Variants in CA10 observed in about 807,000 individuals in gnomAD.
CA10 encodes carbonic anhydrase-related protein 10.
Under a neutral mutation model 44.2 loss-of-function variants are expected in CA10, and 14 were observed. That is an observed-to-expected ratio of 0.32 (90% CI 0.21 to 0.50). The LOEUF (loss-of-function observed/expected upper bound fraction) is 0.50, where lower values mean the gene tolerates loss of function less well. Ranked by LOEUF, CA10 falls within the 20% of genes least tolerant of loss-of-function variation. The pLI is 0.99. For synonymous variants in CA10, 159 were observed against 141.6 expected, an observed-to-expected ratio of 1.12 and a Z score of -0.87; for missense variants, 350 against 409.7, an observed-to-expected ratio of 0.85 and a Z score of 1.26.
chr17:52,038,287 G>T (rs144883327), intron 2 of CA10, among the ~76,000 whole-genome samples: 1 of 152,238 alleles, frequency 6.6e-6, no homozygotes, highest in Admixed American at 6.5e-5. Context: ...TATCTACTAG[G>T]CACACTTGTC....
chr17:51,804,660 T>C lies in CA10; in HGVS notation c.280-56842A>G, dbSNP rs564668839. ...TGAATAGAGCACCAAAGAGAACAAA[T>C]GAATGTGCTTTTCCAGGAGAAATAA... is the stretch of plus-strand genomic sequence containing the variant. On this transcript the variant is annotated intron_variant, in intron 3 of 8. Transcript: ENST00000451037. 1.6e-4 allele frequency among the ~76,000 whole-genome samples: 25 copies of C among 152,334 alleles called. No individual in the cohort carries two copies. The South Asian group carries it at 3.1e-3, about 19-fold the overall frequency.
chr17:51,887,473 T>C (rs2143901224), intron 3 of CA10, among the ~76,000 whole-genome samples: 1 of 152,274 alleles, frequency 6.6e-6, no homozygotes, highest in African/African-American at 2.4e-5. Context: ...AAATGTAGGC[T>C]TCAGATACAG....
chr17:52,114,950 T>C (rs1988861031), intron 1 of CA10, among the ~76,000 whole-genome samples: 1 of 152,194 alleles, frequency 6.6e-6, no homozygotes, highest in South Asian at 2.1e-4. Context: ...GCTCTGCCAC[T>C]GATATATGCA....
intron 2 of CA10, among the ~76,000 whole-genome samples, chr17:51,954,674 C>G (rs1376100911): frequency 6.6e-6 from 1 of 152,180 alleles, no homozygotes; most frequent in Non-Finnish European, 1.5e-5. Context: ...AAGTCCTGAT[C>G]AGATTGCTTT....
chr17:52,115,410 T>C (rs1379642586), intron 1 of CA10, among the ~76,000 whole-genome samples: 3 of 152,098 alleles, frequency 2.0e-5, no homozygotes, highest in African/African-American at 7.2e-5. Context: ...AATGTTTCTT[T>C]CCCTTTTGTT....
At chr17:52,089,450 T>G (rs1468631329) in intron 1 of CA10, among the ~76,000 whole-genome samples, 2 of 152,182 alleles carry the variant, frequency 1.3e-5, no homozygotes, top group Admixed American at 6.6e-5. Flanking sequence ...AAGGCACTGT[T>G]CTAAGCATTT....
chr17:52,150,008 T>C (rs563903103), intron 1 of CA10, among the ~76,000 whole-genome samples: 1 of 152,360 alleles, frequency 6.6e-6, no homozygotes, highest in Admixed American at 6.5e-5. Context: ...ATTGAAATTA[T>C]ATACCTTAAA....
intron 3 of CA10, among the ~76,000 whole-genome samples, chr17:51,813,113 A>T (rs111994987): frequency 5.1e-4 from 78 of 152,252 alleles, no homozygotes; most frequent in Non-Finnish European, 4.0e-4. Context: ...AAAGAGGGTC[A>T]TAGATAACAG....
chr17:51,738,191 A>G (rs1024321761), intron 4 of CA10, among the ~76,000 whole-genome samples: 37 of 152,330 alleles, frequency 2.4e-4, no homozygotes, highest in African/African-American at 7.5e-4. Context: ...CTGGCGAGCA[A>G]TTAAGTTGGC....
intron 3 of CA10, among the ~76,000 whole-genome samples, chr17:51,851,104 T>A (rs1978774653): frequency 6.6e-6 from 1 of 152,314 alleles, no homozygotes; most frequent in East Asian, 1.9e-4. Flanking sequence ...CCAAGATGCA[T>A]GGGGGTGGCA....
At chr17:51,670,486 C>T (rs890841564) in intron 4 of CA10, among the ~76,000 whole-genome samples, 1 of 151,618 alleles carries the variant, frequency 6.6e-6, no homozygotes, top group Non-Finnish European at 1.5e-5. Flanking sequence ...GGTCCGCATT[C>T]CTTTTTTTTT....
At chr17:52,125,728 G>C (rs1989105164) in intron 1 of CA10, among the ~76,000 whole-genome samples, 1 of 151,958 alleles carries the variant, frequency 6.6e-6, no homozygotes, top group Admixed American at 6.6e-5. Context: ...AGAAGAGTCT[G>C]TGATCAGTTT....
chr17:51,669,368 T>C (rs1283756637), intron 4 of CA10, among the ~76,000 whole-genome samples: 2 of 151,964 alleles, frequency 1.3e-5, no homozygotes, highest in African/African-American at 2.4e-5. Context: ...AGCTAAAGGA[T>C]TGTAAATGCA....
At chr17:51,668,773 A>G (rs1914300849) in intron 4 of CA10, among the ~76,000 whole-genome samples, 1 of 151,900 alleles carries the variant, frequency 6.6e-6, no homozygotes, top group African/African-American at 2.4e-5. Context: ...AGGGGTGGAG[A>G]GAGAGGCGCA....
intron 3 of CA10, among the ~76,000 whole-genome samples, chr17:51,756,920 G>A (rs1471941728): frequency 6.6e-6 from 1 of 152,142 alleles, no homozygotes; most frequent in Admixed American, 6.5e-5. Context: ...TCCAGTCCCC[G>A]CTTGCTGGGA....
At chr17:51,722,343 C>A (rs2143534095) in intron 4 of CA10, among the ~76,000 whole-genome samples, 1 of 152,094 alleles carries the variant, frequency 6.6e-6, no homozygotes, top group South Asian at 2.1e-4. Flanking sequence ...TTCCAGTGGC[C>A]CACCTCCTTG....
chr17:51,835,851 G>T (rs892350799), intron 3 of CA10, among the ~76,000 whole-genome samples: 2 of 152,142 alleles, frequency 1.3e-5, no homozygotes, highest in African/African-American at 2.4e-5. Flanking sequence ...TAGACAAAAT[G>T]CTACTGCAGC....
intron 4 of CA10, among the ~76,000 whole-genome samples, chr17:51,679,158 T>C (rs1167354121): frequency 1.3e-5 from 2 of 152,216 alleles, no homozygotes; most frequent in Non-Finnish European, 2.9e-5. Context: ...ACTGTGCATA[T>C]GAATCCTTTG....
At chr17:51,884,191 A>C (rs1980496578) in intron 3 of CA10, among the ~76,000 whole-genome samples, 1 of 152,140 alleles carries the variant, frequency 6.6e-6, no homozygotes, top group Non-Finnish European at 1.5e-5. Flanking sequence ...GGATTGTTGT[A>C]ATGGCCTTTT....
Sources: allele counts gnomAD v4.1 joint callset (sites outside exome capture counted in the v4.1 genomes callset), GRCh38; gene constraint gnomAD v4.1.1; transcripts MANE v1.5; gene names NCBI Gene and HGNC (gene_info 2026-07-23, HGNC 2026-07-21).